CTNNA3: variants seen among roughly 807,000 people sequenced by gnomAD.
The protein encoded by CTNNA3 is catenin alpha-3.
In CTNNA3, 76 loss-of-function variants were observed where a neutral mutation model predicts 95.7. The ratio of observed to expected loss-of-function variants is 0.79; its 90% CI spans 0.66 to 0.96. The LOEUF (loss-of-function observed/expected upper bound fraction) is 0.96, where lower values mean the gene tolerates loss of function less well. Ranked by LOEUF, CTNNA3 falls within the 40% of genes least tolerant of loss-of-function variation. CTNNA3 has a pLI of 0.00. For synonymous variants in CTNNA3, 431 were observed against 374.4 expected, an observed-to-expected ratio of 1.15 and a Z score of -1.74; for missense variants, 1,191 against 1,089.8, an observed-to-expected ratio of 1.09 and a Z score of -1.31.
intron 9 of CTNNA3, among the ~76,000 whole-genome samples, chr10:66,670,577 C>T (rs1039521017): frequency 6.6e-6 from 1 of 152,152 alleles, no homozygotes; most frequent in Non-Finnish European, 1.5e-5. Context: ...CTTCTAGGCT[C>T]CCCTCACCGA....
At chr10:67,150,250 G>C (rs1175380254) in intron 7 of CTNNA3, among the ~76,000 whole-genome samples, 1 of 152,048 alleles carries the variant, frequency 6.6e-6, no homozygotes, top group East Asian at 1.9e-4. Context: ...ATGGAATTTT[G>C]ATTTGCAAAC....
chr10:66,978,552 A>AAAAATGTATAT, intron 7 of CTNNA3, among the ~76,000 whole-genome samples: 1 of 37,866 alleles, frequency 2.6e-5, no homozygotes, highest in Non-Finnish European at 4.8e-5. Context: ...AAAAAAAAAA[A>AAAAATGTATAT]ATATATATAT....
At chr10:66,179,562 T>C (rs938447937) in intron 13 of CTNNA3, among the ~76,000 whole-genome samples, 3 of 152,110 alleles carry the variant, frequency 2.0e-5, no homozygotes, top group African/African-American at 2.4e-5. Flanking sequence ...TATAAATCTA[T>C]AGTTATCTCA....
chr10:67,742,732 C>T (rs532130598), intron 1 of CTNNA3, among the ~76,000 whole-genome samples: 4 of 150,542 alleles, frequency 2.7e-5, no homozygotes, highest in African/African-American at 9.7e-5. Flanking sequence ...TTGAAAAGAT[C>T]AACAAAATTG....
At chr10:66,698,672 T>C (rs1179998712) in intron 9 of CTNNA3, among the ~76,000 whole-genome samples, 1 of 152,122 alleles carries the variant, frequency 6.6e-6, no homozygotes, top group African/African-American at 2.4e-5. Flanking sequence ...CAAAATGAAA[T>C]CCTGAACTAA....
intron 15 of CTNNA3, among the ~76,000 whole-genome samples, chr10:66,031,986 A>G (rs1170060958): frequency 6.6e-6 from 1 of 152,206 alleles, no homozygotes; most frequent in Non-Finnish European, 1.5e-5. Context: ...ATTTATGGGG[A>G]GTCAAAAGGC....
chr10:67,497,023 G>C (rs1232693644), intron 5 of CTNNA3, among the ~76,000 whole-genome samples: 2 of 152,046 alleles, frequency 1.3e-5, no homozygotes, highest in African/African-American at 2.4e-5. Context: ...ATGGTGGTTT[G>C]CTGCACCCTT....
intron 7 of CTNNA3, among the ~76,000 whole-genome samples, chr10:67,053,853 G>A (rs186120886): frequency 3.9e-5 from 6 of 152,284 alleles, no homozygotes; most frequent in Admixed American, 3.3e-4. Flanking sequence ...AGATGTAAAT[G>A]AGCATGACTT....
chr10:67,237,921 A>G (rs1865566032), intron 5 of CTNNA3, among the ~76,000 whole-genome samples: 1 of 152,206 alleles, frequency 6.6e-6, no homozygotes, highest in South Asian at 2.1e-4. Context: ...GTGCCTGAAC[A>G]CTATTGCTAG....
chr10:67,268,956 A>T (rs1456509726), intron 5 of CTNNA3, among the ~76,000 whole-genome samples: 3 of 152,242 alleles, frequency 2.0e-5, no homozygotes, highest in Middle Eastern at 3.2e-3. Flanking sequence ...CTTATCATTC[A>T]GAGAACCGTG....
At chr10:66,592,690 A>C (rs1843593003) in intron 10 of CTNNA3, among the ~76,000 whole-genome samples, 1 of 152,124 alleles carries the variant, frequency 6.6e-6, no homozygotes, top group Non-Finnish European at 1.5e-5. Flanking sequence ...TGTGGGTTGA[A>C]GAATGGTAAT....
chr10:67,401,176 T>G (rs2132807295), intron 5 of CTNNA3, among the ~76,000 whole-genome samples: 1 of 152,262 alleles, frequency 6.6e-6, no homozygotes, highest in East Asian at 1.9e-4. Context: ...AAAGCAGCCC[T>G]CACAAGATCA....
intron 1 of CTNNA3, among the ~76,000 whole-genome samples, chr10:67,726,187 A>C (rs1330846582): frequency 2.8e-5 from 3 of 106,820 alleles, no homozygotes; most frequent in Non-Finnish European, 5.0e-5. Context: ...ATATATTATT[A>C]TAATATATAA....
chr10:66,014,845 C>A (rs1389405649), intron 15 of CTNNA3, among the ~76,000 whole-genome samples: 2 of 152,156 alleles, frequency 1.3e-5, no homozygotes, highest in Admixed American at 1.3e-4. Flanking sequence ...GGCTCAATGC[C>A]TGTAATCCCA....
intron 5 of CTNNA3, among the ~76,000 whole-genome samples, chr10:67,317,646 C>T (rs189080873): frequency 6.1e-4 from 93 of 151,722 alleles, no homozygotes; most frequent in African/African-American, 2.1e-3. Flanking sequence ...AGGATGGTGT[C>T]GATCTCCTGA....
chr10:67,226,257 T>C (rs1448455181), intron 5 of CTNNA3, among the ~76,000 whole-genome samples: 3 of 152,226 alleles, frequency 2.0e-5, no homozygotes, highest in Non-Finnish European at 4.4e-5. Flanking sequence ...ATAATTGATG[T>C]TCTGGAGGAA....
At chr10:66,646,743 T>A (rs930483779) in intron 9 of CTNNA3, among the ~76,000 whole-genome samples, 1 of 152,074 alleles carries the variant, frequency 6.6e-6, no homozygotes, top group Non-Finnish European at 1.5e-5. Context: ...ACATACAGCA[T>A]CCTTGGCAAG....
intron 13 of CTNNA3, among the ~76,000 whole-genome samples, chr10:66,259,055 G>A (rs936594084): frequency 5.9e-5 from 9 of 152,112 alleles, no homozygotes; most frequent in African/African-American, 1.4e-4. Context: ...TTTATTCCTT[G>A]TTACTCTTCT....
chr10:67,531,481 G>C (rs1030788849), intron 4 of CTNNA3, among the ~76,000 whole-genome samples: 1 of 152,216 alleles, frequency 6.6e-6, no homozygotes, highest in African/African-American at 2.4e-5. Context: ...CATGGGGCCT[G>C]TAGCCCCTTT....
Sources: allele counts gnomAD v4.1 joint callset (sites outside exome capture counted in the v4.1 genomes callset), GRCh38; gene constraint gnomAD v4.1.1; transcripts MANE v1.5; gene names NCBI Gene and HGNC (gene_info 2026-07-23, HGNC 2026-07-21).